Variants in FAM177A1 observed in about 807,000 individuals in gnomAD.
FAM177A1 encodes protein FAM177A1.
Under a neutral mutation model 26.1 loss-of-function variants are expected in FAM177A1, and 22 were observed. The ratio of observed to expected loss-of-function variants is 0.84; its 90% CI spans 0.60 to 1.20. FAM177A1 has a LOEUF of 1.20. Among genes scored for constraint, FAM177A1 ranks in the 50% most tolerant of loss-of-function variants. FAM177A1 has a pLI of 0.00. For missense variants in FAM177A1, 296 were observed against 291.1 expected (o/e 1.02, Z -0.12); for synonymous variants, 95 against 99.3 (o/e 0.96, Z 0.26).
Position 35,046,510 on chromosome 14 carries a change from G to A in FAM177A1, c.47G>A (p.Ser16Asn), listed in dbSNP as rs200451528. 3,566 of 1,602,734 alleles carry A rather than the reference G, an allele frequency of 2.2e-3. 4 individuals are homozygous for A. Among genetic ancestry groups the A allele is most frequent in the Non-Finnish European group, 2.7e-3 (3,218 of 1,176,060 alleles). Reference protein sequence around the residue: ...PAITLFLTSASSPVVATTMDQ... With the variant: ...PAITLFLTSANSPVVATTMDQ... ...ATTACCCTCTTTCTCACCAGCGCCA[G>A]CAGCCCTGTGGTGGCGACGACGATG... is the stretch of plus-strand genomic sequence containing the variant. Residue 16 changes from serine to asparagine, a missense_variant, in exon 1 of 5, where the codon AGC (serine) becomes AAC (asparagine). By Grantham distance (46) the Ser-to-Asn change is conservative. Coordinates refer to ENST00000280987, the MANE Select transcript of FAM177A1 (RefSeq NM_173607.5).
intron 2 of FAM177A1, among the ~76,000 whole-genome samples, chr14:35,074,390 A>G (rs1282811504): frequency 2.0e-5 from 3 of 149,930 alleles, no homozygotes; most frequent in African/African-American, 7.4e-5. Context: ...CAGGGGCTCA[A>G]TCTCGGCTCA....
chr14:35,066,927 G>T (rs1369953054), intron 2 of FAM177A1, among the ~76,000 whole-genome samples: 1 of 151,932 alleles, frequency 6.6e-6, no homozygotes, highest in East Asian at 1.9e-4. Context: ...CCTTGTAGCT[G>T]GGATTACAGG....
chr14:35,079,083 T>G, intron 4 of FAM177A1, 59 bp downstream of exon 4: 1 of 1,299,612 alleles, frequency 7.7e-7, no homozygotes, highest in Non-Finnish European at 1.1e-6. Flanking sequence ...CTTGATGGGT[T>G]GCATAATGAG....
Position 35,070,114 on chromosome 14 carries a change from C to CAAAAAAAAAAAA in FAM177A1, c.340-7011_340-7000dup, listed in dbSNP as rs746133319. ...TGGGCGACAGAGTGAGACTCTGTCT[C>CAAAAAAAAAAAA]AAAAAAAAAAAAAAAAAAAAAAAAA... On this transcript the variant is annotated intron_variant, in intron 2 of 4. Coordinates refer to ENST00000280987, the MANE Select transcript of FAM177A1 (RefSeq NM_173607.5). Among the ~76,000 whole-genome samples the CAAAAAAAAAAAA allele has an allele frequency of 3.2e-4, 17 of 53,856 alleles. 1 individual carries two copies. Among genetic ancestry groups the CAAAAAAAAAAAA allele is most frequent in the South Asian group, 7.0e-4 (1 of 1,428 alleles). The allele number at this position is 53,856 out of a possible 152,430, so 35.3% of individuals were successfully genotyped here. A position where few individuals can be genotyped will look rare whatever the true frequency, so the allele number is the denominator to read the frequency against.
intron 2 of FAM177A1, among the ~76,000 whole-genome samples, chr14:35,076,481 T>C (rs994562258): frequency 6.6e-5 from 10 of 152,096 alleles, no homozygotes; most frequent in South Asian, 2.1e-4. Flanking sequence ...TTAGGAGATA[T>C]ACCTAATGTA....
rs114621600 is a variant in FAM177A1, at chr14:35,047,415, C to T, written c.165+787C>T. Among the ~76,000 whole-genome samples, 331 of 152,164 alleles carry T rather than the reference C, an allele frequency of 2.2e-3. 1 individual carries two copies. The highest frequency in any genetic ancestry group is 7.2e-3 in the African/African-American group (299 of 41,506). The stretch of plus-strand genomic sequence containing the variant: ...GACCACATTTCAAGTGCGCATTAGC[C>T]ACATGTGGCTAGTGGTTACTGTATT... On this transcript the variant is annotated intron_variant, in intron 1 of 4. Transcript: ENST00000280987.
chr14:35,060,432 T>C (rs2045133553), intron 2 of FAM177A1, among the ~76,000 whole-genome samples: 1 of 152,202 alleles, frequency 6.6e-6, no homozygotes, highest in South Asian at 2.1e-4. Context: ...TTCTGTTAAA[T>C]CCAGCATCTT....
At chr14:35,077,551 T>C (rs799492) in intron 3 of FAM177A1, among the ~76,000 whole-genome samples, 119,368 of 143,730 alleles carry the variant, frequency 0.83, 49,921 homozygotes, top group Non-Finnish European at 0.87. Context: ...GGCACAATCT[T>C]GGCTCACTGC....
At chr14:35,067,062 G>A (rs953474422) in intron 2 of FAM177A1, among the ~76,000 whole-genome samples, 1 of 152,170 alleles carries the variant, frequency 6.6e-6, no homozygotes, top group Admixed American at 6.5e-5. Flanking sequence ...GAAGTTCTGG[G>A]ATTACAGGTG....
At chr14:35,054,981 A>C (rs556200337) in intron 2 of FAM177A1, 1 of 147,710 alleles carries the variant, frequency 6.8e-6, no homozygotes, top group Non-Finnish European at 1.5e-5. Context: ...TGGTCTCAAA[A>C]AATAAAAAAA....
At chr14:35,068,127 T>C (rs1052869860) in intron 2 of FAM177A1, among the ~76,000 whole-genome samples, 11 of 152,234 alleles carry the variant, frequency 7.2e-5, no homozygotes, top group Non-Finnish European at 1.0e-4. Flanking sequence ...TTTTCCCTTA[T>C]GTTTTCTTCT....
chr14:35,080,445 C>G (rs534557738), intron 4 of FAM177A1, among the ~76,000 whole-genome samples: 1 of 152,116 alleles, frequency 6.6e-6, no homozygotes, highest in South Asian at 2.1e-4. Context: ...AAAATAAAGT[C>G]CTTGTCAAAG....
chr14:35,060,042 C>T (rs1195257405), intron 2 of FAM177A1, among the ~76,000 whole-genome samples: 1 of 151,748 alleles, frequency 6.6e-6, no homozygotes, highest in African/African-American at 2.4e-5. Flanking sequence ...GGCGTGATCT[C>T]GGCTCACTGC....
At chr14:35,046,821 A>G in intron 1 of FAM177A1, 193 bp downstream of exon 1, 2 of 1,370,800 alleles carry the variant, frequency 1.5e-6, no homozygotes, top group Non-Finnish European at 1.9e-6. Context: ...CTCACTCACC[A>G]ACCCCTTGGC....
chr14:35,052,285 C>T (rs2044984747), intron 1 of FAM177A1, among the ~76,000 whole-genome samples: 1 of 151,514 alleles, frequency 6.6e-6, no homozygotes, highest in African/African-American at 2.4e-5. Context: ...TGCTCTGTTG[C>T]CCAGACTGGA....
At chr14:35,052,452 G>T (rs1214620690) in intron 1 of FAM177A1, among the ~76,000 whole-genome samples, 6 of 151,752 alleles carry the variant, frequency 4.0e-5, no homozygotes, top group African/African-American at 1.2e-4. Context: ...CTTGTGATCC[G>T]CCTGCCTCGG....
chr14:35,074,758 T>G (rs1438805134), intron 2 of FAM177A1, among the ~76,000 whole-genome samples: 2 of 151,938 alleles, frequency 1.3e-5, no homozygotes, highest in Non-Finnish European at 2.9e-5. Context: ...AAAACAATTA[T>G]TTCCCAGATG....
intron 3 of FAM177A1, 121 bp downstream of exon 3, chr14:35,077,337 A>C: frequency 2.3e-6 from 2 of 851,216 alleles, no homozygotes; most frequent in Non-Finnish European, 4.0e-6. Context: ...CACTGTCCTC[A>C]AGAGCTAGCT....
At chr14:35,052,451 C>T (rs149886242) in intron 1 of FAM177A1, among the ~76,000 whole-genome samples, 2 of 151,766 alleles carry the variant, frequency 1.3e-5, no homozygotes, top group East Asian at 1.9e-4. Flanking sequence ...CCTTGTGATC[C>T]GCCTGCCTCG....
Sources: gnomAD v4.1 joint callset for allele counts (sites outside exome capture counted in the v4.1 genomes callset) on GRCh38, gnomAD v4.1.1 for gene constraint, MANE v1.5 for transcripts, NCBI Gene and HGNC (gene_info 2026-07-23, HGNC 2026-07-21) for gene names.